Variants in CDK14 observed in about 807,000 individuals in gnomAD.
CDK14 encodes the protein cyclin dependent kinase 14.
A neutral mutation model predicts 60.7 loss-of-function variants in CDK14; 34 were observed. That is an observed-to-expected ratio of 0.56 (90% CI 0.43 to 0.75). CDK14 has a LOEUF of 0.75. Among genes scored for constraint, CDK14 ranks in the 30% least tolerant of loss-of-function variants. CDK14 has a pLI of 0.00. For missense variants in CDK14, 482 were observed against 564.1 expected (o/e 0.85, Z 1.47); for synonymous variants, 197 against 203.7 (o/e 0.97, Z 0.28).
intron 5 of CDK14, among the ~76,000 whole-genome samples, chr7:90,831,886 C>T (rs567162812): frequency 6.6e-6 from 1 of 152,108 alleles, no homozygotes; most frequent in South Asian, 2.1e-4. Flanking sequence ...CACTGGTCTC[C>T]TTGTTTTTCT....
At chr7:90,963,578 C>T (rs780014841) in intron 9 of CDK14, among the ~76,000 whole-genome samples, 36 of 151,402 alleles carry the variant, frequency 2.4e-4, no homozygotes, top group Middle Eastern at 3.2e-3. Flanking sequence ...AAGGGAGACT[C>T]TCTAAAAGAA....
At chr7:90,973,083 T>A (rs1167765688) in intron 9 of CDK14, among the ~76,000 whole-genome samples, 1 of 152,194 alleles carries the variant, frequency 6.6e-6, no homozygotes. Flanking sequence ...TAACCTGTAA[T>A]GAGTTATGGT....
At chr7:91,039,491 C>G (rs1400293751) in intron 10 of CDK14, among the ~76,000 whole-genome samples, 1 of 152,186 alleles carries the variant, frequency 6.6e-6, no homozygotes, top group Non-Finnish European at 1.5e-5. Flanking sequence ...CCCTCCACCT[C>G]TGATTTCCAG....
chr7:90,941,273 C>T (rs1793924478), intron 8 of CDK14, among the ~76,000 whole-genome samples: 1 of 152,270 alleles, frequency 6.6e-6, no homozygotes, highest in African/African-American at 2.4e-5. Flanking sequence ...GGACATACTG[C>T]ATTCTATCAC....
intron 5 of CDK14, among the ~76,000 whole-genome samples, chr7:90,836,462 C>T (rs561831602): frequency 1.3e-5 from 2 of 152,112 alleles, no homozygotes; most frequent in African/African-American, 2.4e-5. Flanking sequence ...TCTTCCACCT[C>T]GATGTCTTGT....
At chr7:90,887,552 A>C (rs964486646) in intron 6 of CDK14, among the ~76,000 whole-genome samples, 6 of 152,160 alleles carry the variant, frequency 3.9e-5, no homozygotes, top group Non-Finnish European at 2.9e-5. Flanking sequence ...TCGTAACATA[A>C]ATTTATTTTT....
At chr7:90,771,686 A>G (rs1804789385) in intron 4 of CDK14, among the ~76,000 whole-genome samples, 1 of 152,206 alleles carries the variant, frequency 6.6e-6, no homozygotes, top group Admixed American at 6.5e-5. Flanking sequence ...GGCTGAAGTG[A>G]AGGCTTGGCC....
At chr7:90,759,715 A>G (rs769030960) in intron 4 of CDK14, among the ~76,000 whole-genome samples, 1 of 151,920 alleles carries the variant, frequency 6.6e-6, no homozygotes, top group Non-Finnish European at 1.5e-5. Context: ...TTTCTTTCCT[A>G]CTGAATCTAG....
At chr7:90,766,735 A>G (rs577045757) in intron 4 of CDK14, among the ~76,000 whole-genome samples, 68 of 152,272 alleles carry the variant, frequency 4.5e-4, no homozygotes, top group Non-Finnish European at 8.8e-4. Flanking sequence ...GAGTGGGTAG[A>G]TGGGCAGATA....
chr7:90,969,168 TG>T (rs1257608151), intron 9 of CDK14, among the ~76,000 whole-genome samples: 1 of 152,202 alleles, frequency 6.6e-6, no homozygotes, highest in African/African-American at 2.4e-5. Context: ...CTTTAGGTCT[TG>T]CATCTATTAT....
chr7:90,726,941 G>C (rs1365503459), intron 3 of CDK14, 129 bp downstream of exon 3: 4 of 1,075,874 alleles, frequency 3.7e-6, no homozygotes, highest in Non-Finnish European at 5.3e-6. Flanking sequence ...CAGGGTGGTT[G>C]AATGTTTTGG....
chr7:90,654,129 C>T (rs1439426698), intron 2 of CDK14, among the ~76,000 whole-genome samples: 1 of 152,120 alleles, frequency 6.6e-6, no homozygotes, highest in East Asian at 1.9e-4. Context: ...TGCAGAAATT[C>T]TTGTAAGGCA....
intron 14 of CDK14, among the ~76,000 whole-genome samples, chr7:91,137,696 GTGT>G (rs1167028873): frequency 0.032 from 909 of 28,190 alleles, 11 homozygotes; most frequent in African/African-American, 0.16. Flanking sequence ...TGTGGGGGGT[GTGT>G]GTGTGTGTGT....
intron 8 of CDK14, among the ~76,000 whole-genome samples, chr7:90,946,551 G>T (rs1218379170): frequency 6.6e-6 from 1 of 151,982 alleles, no homozygotes; most frequent in Non-Finnish European, 1.5e-5. Context: ...TCTTGAATTT[G>T]CTCAATAATC....
chr7:91,072,911 G>T (rs146374290), intron 11 of CDK14, among the ~76,000 whole-genome samples: 1,769 of 151,948 alleles, frequency 0.012, 16 homozygotes, highest in Non-Finnish European at 0.02. Flanking sequence ...GCAGAAGAAA[G>T]AATATCAGAG....
At chr7:90,637,080 A>C (rs975990271) in intron 2 of CDK14, among the ~76,000 whole-genome samples, 53 of 152,130 alleles carry the variant, frequency 3.5e-4, no homozygotes, top group Non-Finnish European at 6.6e-4. Context: ...CCTTTCAAAA[A>C]ACCAGCTTCT....
chr7:90,914,693 A>G (rs1040244458), intron 7 of CDK14, among the ~76,000 whole-genome samples: 14 of 152,144 alleles, frequency 9.2e-5, no homozygotes, highest in African/African-American at 3.4e-4. Context: ...ATGGCATCCT[A>G]TTTGAATAGC....
chr7:91,098,364 A>T (rs866317140), intron 12 of CDK14, among the ~76,000 whole-genome samples: 8 of 152,264 alleles, frequency 5.3e-5, no homozygotes, highest in Non-Finnish European at 7.4e-5. Context: ...AGTCTACAAG[A>T]TAATTTTTTA....
At chr7:90,685,648 AATTTT>A (rs1801415681) in intron 2 of CDK14, among the ~76,000 whole-genome samples, 1 of 101,658 alleles carries the variant, frequency 9.8e-6, no homozygotes, top group African/African-American at 3.9e-5. Flanking sequence ...CCAGCCAATT[AATTTT>A]TTTTTTTTTT....
Sources: allele counts gnomAD v4.1 joint callset (sites outside exome capture counted in the v4.1 genomes callset), GRCh38; gene constraint gnomAD v4.1.1; transcripts MANE v1.5; gene names NCBI Gene and HGNC (gene_info 2026-07-23, HGNC 2026-07-21).